The following RASGRF1 variants were observed in gnomAD, a reference collection of about 807,000 sequenced individuals.
RASGRF1 encodes Ras protein specific guanine nucleotide releasing factor 1, also known as ras-specific guanine nucleotide-releasing factor 1.
A neutral mutation model predicts 138.7 loss-of-function variants in RASGRF1; 40 were observed. The ratio of observed to expected loss-of-function variants is 0.29; its 90% CI spans 0.22 to 0.38. The LOEUF (loss-of-function observed/expected upper bound fraction) is 0.38. Among genes scored for constraint, RASGRF1 ranks in the 10% least tolerant of loss-of-function variants. The probability of loss-of-function intolerance (pLI) is 1.00; values close to 1 mark genes in which losing one functional copy is unlikely to be tolerated. For missense variants in RASGRF1, 1,108 were observed against 1,650.4 expected, an observed-to-expected ratio of 0.67 and a Z score of 5.69; for synonymous variants, 614 against 663.2, an observed-to-expected ratio of 0.93 and a Z score of 1.14.
At chr15:79,059,568 C>G (rs2057569012) in intron 2 of RASGRF1, among the ~76,000 whole-genome samples, 1 of 152,160 alleles carries the variant, frequency 6.6e-6, no homozygotes, top group South Asian at 2.1e-4. Flanking sequence ...AAACTGAGGT[C>G]CAAATCACAG....
chr15:79,010,166 AG>A (rs1242177160), intron 13 of RASGRF1, among the ~76,000 whole-genome samples: 1 of 151,588 alleles, frequency 6.6e-6, no homozygotes, highest in Non-Finnish European at 1.5e-5. Context: ...ACTCCTGAGT[AG>A]CTGGGATTAC....
intron 1 of RASGRF1, chr15:79,064,771 C>T: frequency 2.1e-6 from 1 of 485,140 alleles, no homozygotes; most frequent in Non-Finnish European, 3.7e-6. Context: ...ACACACAAAG[C>T]CCTGTTCAAC....
intron 22 of RASGRF1, among the ~76,000 whole-genome samples, chr15:78,987,714 C>T (rs1005901615): frequency 9.2e-5 from 14 of 151,396 alleles, no homozygotes; most frequent in Admixed American, 4.6e-4. Context: ...CAAAACAAAA[C>T]AAAAAAAACC....
At chr15:78,963,254 A>G (rs2055582059) in intron 26 of RASGRF1, among the ~76,000 whole-genome samples, 1 of 152,212 alleles carries the variant, frequency 6.6e-6, no homozygotes. Flanking sequence ...GTTTGGAACT[A>G]AAGGCACATT....
intron 1 of RASGRF1, among the ~76,000 whole-genome samples, chr15:79,068,864 G>A (rs2057716500): frequency 6.6e-6 from 1 of 152,004 alleles, no homozygotes; most frequent in Admixed American, 6.5e-5. Context: ...TGTGTCCTGG[G>A]GTCAGCCTGG....
chr15:78,967,071 G>A (rs114228783), intron 26 of RASGRF1, among the ~76,000 whole-genome samples: 1,634 of 152,216 alleles, frequency 0.011, 44 homozygotes, highest in African/African-American at 0.038. Flanking sequence ...GGGAGGCCAA[G>A]ACGACAGGAT....
chr15:78,993,333 G>A (rs2056319403), intron 20 of RASGRF1, among the ~76,000 whole-genome samples: 1 of 88,322 alleles, frequency 1.1e-5, no homozygotes, highest in East Asian at 2.6e-4. Flanking sequence ...TGCTGGGTGT[G>A]TGTAGTGTAT....
At chr15:79,060,157 T>G (rs1343948420) in intron 2 of RASGRF1, among the ~76,000 whole-genome samples, 1 of 152,144 alleles carries the variant, frequency 6.6e-6, no homozygotes, top group Non-Finnish European at 1.5e-5. Context: ...TCAACAAGCC[T>G]CAGCTCAGCC....
At chr15:79,031,837 G>T (rs2057143580) in intron 7 of RASGRF1, among the ~76,000 whole-genome samples, 1 of 152,090 alleles carries the variant, frequency 6.6e-6, no homozygotes, top group South Asian at 2.1e-4. Flanking sequence ...CTGCCCTTTG[G>T]TCACAGACTC....
chr15:79,059,965 CACACACACACACACACAGACACACAG>C (rs59786548), intron 2 of RASGRF1, among the ~76,000 whole-genome samples: 14,757 of 62,822 alleles, frequency 0.23, 770 homozygotes, highest in South Asian at 0.34. Flanking sequence ...CTGATACACT[CACACACACACACACACAGACACACAG>C]ACACACACAC....
chr15:79,077,389 G>A (rs746349322), intron 1 of RASGRF1, among the ~76,000 whole-genome samples: 7 of 152,188 alleles, frequency 4.6e-5, no homozygotes, highest in South Asian at 2.1e-4. Context: ...GGAGCTCCTC[G>A]TTCATGAAAA....
At chr15:79,053,570 C>G (rs74027016) in intron 3 of RASGRF1, among the ~76,000 whole-genome samples, 2,583 of 152,340 alleles carry the variant, frequency 0.017, 69 homozygotes, top group African/African-American at 0.058. Context: ...ATGGTTCCTT[C>G]ATGGGGCTTT....
chr15:78,984,488 G>A (rs2056104437), intron 23 of RASGRF1: 1 of 183,232 alleles, frequency 5.5e-6, no homozygotes, highest in African/African-American at 2.3e-5. Context: ...AAGAGGGATT[G>A]AGCACACATT....
At chr15:78,995,129 A>G (rs1348234050) in intron 20 of RASGRF1, among the ~76,000 whole-genome samples, 3 of 151,908 alleles carry the variant, frequency 2.0e-5, no homozygotes, top group African/African-American at 7.3e-5. Context: ...GGGTTTCACC[A>G]TGTTGCCCAG....
chr15:79,012,884 T>C (rs2056822590), intron 13 of RASGRF1, among the ~76,000 whole-genome samples: 1 of 152,190 alleles, frequency 6.6e-6, no homozygotes, highest in African/African-American at 2.4e-5. Flanking sequence ...GGTTTCACCA[T>C]GTTGGTCAGG....
chr15:78,979,139 C>T, intron 24 of RASGRF1: 1 of 1,289,720 alleles, frequency 7.8e-7, no homozygotes, highest in Non-Finnish European at 1.0e-6. Context: ...AAGCACAGTC[C>T]ACAGGGGCTC....
chr15:78,980,721 T>G, intron 23 of RASGRF1, 22 bp from the exon 24 acceptor site: 1 of 1,557,384 alleles, frequency 6.4e-7, no homozygotes, highest in Non-Finnish European at 8.8e-7. Context: ...CAGAAGCATT[T>G]ACTAACACAC....
At chr15:79,079,307 C>T (rs1009939299) in intron 1 of RASGRF1, among the ~76,000 whole-genome samples, 4 of 152,166 alleles carry the variant, frequency 2.6e-5, no homozygotes, top group African/African-American at 9.7e-5. Context: ...AAGGTACAAA[C>T]TTCAGTATGG....
chr15:79,060,350 A>G (rs11634225), intron 2 of RASGRF1, among the ~76,000 whole-genome samples: 120,310 of 152,224 alleles, frequency 0.79, 47,712 homozygotes, highest in East Asian at 0.93. Context: ...ATGTCCCATC[A>G]TTCCACCATT....
Sources: gnomAD v4.1 joint callset for allele counts (sites outside exome capture counted in the v4.1 genomes callset) on GRCh38, gnomAD v4.1.1 for gene constraint, MANE v1.5 for transcripts, NCBI Gene and HGNC (gene_info 2026-07-23, HGNC 2026-07-21) for gene names.